The following LRBA variants were observed in gnomAD, a reference collection of about 807,000 sequenced individuals.
LRBA encodes the protein LPS responsive beige-like anchor protein.
LRBA carries 176 observed loss-of-function variants against 330.0 expected under a neutral mutation model. The observed-to-expected ratio is 0.53, with a 90% CI of 0.47 to 0.60. The LOEUF (loss-of-function observed/expected upper bound fraction) is 0.60, where lower values mean the gene tolerates loss of function less well. Among genes scored for constraint, LRBA ranks in the 20% least tolerant of loss-of-function variants. The probability of loss-of-function intolerance (pLI) is 0.00; values close to 1 mark genes in which losing one functional copy is unlikely to be tolerated. For missense variants in LRBA, 3,259 were observed against 3,444.8 expected (o/e 0.95, Z 1.35); for synonymous variants, 1,230 against 1,193.0 (o/e 1.03, Z -0.64).
intron 22 of LRBA, among the ~76,000 whole-genome samples, chr4:150,862,539 G>C (rs946701531): frequency 6.6e-6 from 1 of 152,108 alleles, no homozygotes; most frequent in South Asian, 2.1e-4. Flanking sequence ...TGGGGTGGGG[G>C]AGAGGGAAGG....
chr4:150,494,504 G>C (rs1049535109), intron 40 of LRBA, among the ~76,000 whole-genome samples: 1 of 152,084 alleles, frequency 6.6e-6, no homozygotes, highest in African/African-American at 2.4e-5. Flanking sequence ...TCATATTCTA[G>C]ACTACTCCAT....
At chr4:150,770,588 C>T (rs62346339) in intron 34 of LRBA, among the ~76,000 whole-genome samples, 231 of 7,864 alleles carry the variant, frequency 0.029, 4 homozygotes, top group East Asian at 0.21. Context: ...TATATATATA[C>T]ACACACACAC....
At chr4:150,807,775 A>T (rs1332528687) in intron 32 of LRBA, among the ~76,000 whole-genome samples, 2 of 151,990 alleles carry the variant, frequency 1.3e-5, no homozygotes, top group East Asian at 3.9e-4. Context: ...CATCCCGAGT[A>T]GCTGGGACTA....
intron 51 of LRBA, among the ~76,000 whole-genome samples, chr4:150,311,664 T>C (rs931191459): frequency 1.3e-5 from 2 of 152,232 alleles, no homozygotes; most frequent in African/African-American, 4.8e-5. Context: ...CCATTTAAGA[T>C]TATTGGATAA....
intron 53 of LRBA, among the ~76,000 whole-genome samples, chr4:150,300,514 CA>C (rs1252171436): frequency 1.3e-5 from 2 of 152,042 alleles, no homozygotes; most frequent in Non-Finnish European, 2.9e-5. Flanking sequence ...TTGCTCTAAT[CA>C]TCCTGTGCTT....
chr4:150,423,056 G>T, intron 46 of LRBA: 2 of 794,108 alleles, frequency 2.5e-6, no homozygotes, highest in Non-Finnish European at 4.6e-6. Context: ...TTCTCAGACA[G>T]GATGTCACAG....
At chr4:151,014,405 T>A in intron 2 of LRBA, 22 bp downstream of exon 2, 1 of 1,584,384 alleles carries the variant, frequency 6.3e-7, no homozygotes, top group Non-Finnish European at 8.7e-7. Flanking sequence ...AGTATATGCT[T>A]ATAAAATATT....
chr4:150,399,836 G>A (rs1745228554), intron 47 of LRBA, among the ~76,000 whole-genome samples: 1 of 152,152 alleles, frequency 6.6e-6, no homozygotes, highest in Non-Finnish European at 1.5e-5. Context: ...GCAGCTGAGT[G>A]TGGTAGTGTG....
At chr4:150,622,688 C>CTTTTATT (rs1776417520) in intron 37 of LRBA, among the ~76,000 whole-genome samples, 1 of 105,662 alleles carries the variant, frequency 9.5e-6, no homozygotes, top group African/African-American at 4.2e-5. Flanking sequence ...CTAAATCAAT[C>CTTTTATT]TTTTTTTTTT....
chr4:150,684,791 T>A (rs879742734), intron 36 of LRBA, among the ~76,000 whole-genome samples: 1 of 152,094 alleles, frequency 6.6e-6, no homozygotes, highest in Non-Finnish European at 1.5e-5. Context: ...ATAAACTTGA[T>A]GTTGGGATAA....
chr4:150,771,329 C>T (rs929916992), intron 34 of LRBA, among the ~76,000 whole-genome samples: 4 of 152,142 alleles, frequency 2.6e-5, no homozygotes, highest in African/African-American at 7.2e-5. Context: ...AACCTTGTCC[C>T]AGCCATATAA....
chr4:150,299,661 T>C (rs746992470), intron 53 of LRBA, among the ~76,000 whole-genome samples: 1 of 151,918 alleles, frequency 6.6e-6, no homozygotes, highest in Non-Finnish European at 1.5e-5. Flanking sequence ...GAAAAAACAG[T>C]GTATGTAGGC....
chr4:150,783,340 C>A (rs904145923), intron 34 of LRBA, among the ~76,000 whole-genome samples: 7 of 152,126 alleles, frequency 4.6e-5, no homozygotes, highest in African/African-American at 1.7e-4. Context: ...GCGTACCGTT[C>A]CAATGGATAG....
intron 36 of LRBA, among the ~76,000 whole-genome samples, chr4:150,711,159 T>C (rs2127036896): frequency 6.6e-6 from 1 of 152,222 alleles, no homozygotes; most frequent in Admixed American, 6.5e-5. Flanking sequence ...AGAGAGACCC[T>C]TTTGTGGTTA....
intron 36 of LRBA, among the ~76,000 whole-genome samples, chr4:150,725,405 C>T (rs1178881795): frequency 1.3e-5 from 2 of 152,142 alleles, no homozygotes; most frequent in African/African-American, 2.4e-5. Context: ...TCAGCGGAAA[C>T]CTTACAGGCC....
chr4:150,746,382 T>C (rs962170597), intron 35 of LRBA, among the ~76,000 whole-genome samples: 5 of 152,164 alleles, frequency 3.3e-5, no homozygotes, highest in Non-Finnish European at 7.4e-5. Flanking sequence ...AACATAACCA[T>C]TATTTATCCA....
At chr4:150,773,903 T>G (rs1294479982) in intron 34 of LRBA, among the ~76,000 whole-genome samples, 1 of 152,216 alleles carries the variant, frequency 6.6e-6, no homozygotes. Context: ...TCTCTTGGAC[T>G]CATTGTCACT....
intron 40 of LRBA, among the ~76,000 whole-genome samples, chr4:150,536,283 G>T (rs1764648500): frequency 6.6e-6 from 1 of 152,096 alleles, no homozygotes; most frequent in Non-Finnish European, 1.5e-5. Context: ...ATATTGATTA[G>T]GTATGAGATA....
rs11728745 is a variant in LRBA, at chr4:150,303,098, C to T, written c.7850-306G>A. Among the ~76,000 whole-genome samples, 26,462 of 152,088 alleles carry T rather than the reference C, an allele frequency of 0.17. 2,775 individuals are homozygous for T. Among genetic ancestry groups the T allele is most frequent in the East Asian group, 0.26 (1,348 of 5,160 alleles). On this transcript the variant is annotated intron_variant, in intron 52 of 56. Coordinates refer to ENST00000651943, the MANE Select transcript of LRBA (RefSeq NM_001364905.1). ...ATAAATTACAAATGAATCATGTTTACTGATTAAAGCAGGCCCAGGAGAACC... is the reference window on the plus strand; with the variant it reads ...ATAAATTACAAATGAATCATGTTTATTGATTAAAGCAGGCCCAGGAGAACC...
Sources: gnomAD v4.1 joint callset for allele counts (sites outside exome capture counted in the v4.1 genomes callset) on GRCh38, gnomAD v4.1.1 for gene constraint, MANE v1.5 for transcripts, NCBI Gene and HGNC (gene_info 2026-07-23, HGNC 2026-07-21) for gene names.